SPATA1: variants seen among roughly 807,000 people sequenced by gnomAD.
SPATA1 encodes spermatogenesis-associated protein 1.
In SPATA1, 57 loss-of-function variants were observed where a neutral mutation model predicts 59.6. The ratio of observed to expected loss-of-function variants is 0.96; its 90% CI spans 0.77 to 1.19. The LOEUF (loss-of-function observed/expected upper bound fraction) is 1.19, where lower values mean the gene tolerates loss of function less well. Among genes scored for constraint, SPATA1 ranks in the 50% most tolerant of loss-of-function variants. The probability of loss-of-function intolerance (pLI) is 0.00; values close to 1 mark genes in which losing one functional copy is unlikely to be tolerated. For synonymous variants in SPATA1, 147 were observed against 163.9 expected (o/e 0.90, Z 0.79); for missense variants, 448 against 480.7 (o/e 0.93, Z 0.64).
At chr1:84,559,741 T>A (rs1222666544) in intron 4 of SPATA1, among the ~76,000 whole-genome samples, 4 of 152,084 alleles carry the variant, frequency 2.6e-5, no homozygotes, top group Non-Finnish European at 4.4e-5. Context: ...TGAAGTGACA[T>A]TAAATGGCCT....
intron 6 of SPATA1, among the ~76,000 whole-genome samples, chr1:84,526,777 A>AG (rs1223795137): frequency 6.7e-6 from 1 of 148,358 alleles, no homozygotes; most frequent in Admixed American, 6.8e-5. Context: ...CTGAAGCAGG[A>AG]GGATTGCTTG....
At chr1:84,529,653 C>G (rs1367086279) in intron 6 of SPATA1, among the ~76,000 whole-genome samples, 2 of 136,972 alleles carry the variant, frequency 1.5e-5, no homozygotes, top group Non-Finnish European at 3.0e-5. Flanking sequence ...GCGATCTCGG[C>G]TCACTGCAAC....
At chr1:84,544,520 A>G (rs1400026669) in intron 9 of SPATA1, among the ~76,000 whole-genome samples, 3 of 152,098 alleles carry the variant, frequency 2.0e-5, no homozygotes, top group African/African-American at 7.2e-5. Context: ...GTTATGTAAT[A>G]TGTTCTACAA....
At position 84,562,031 on chromosome 1, in the gene SPATA1, A is replaced by G. The variant is rs149249519; in HGVS notation, n.443-3830A>G. 4.8e-3 allele frequency among the ~76,000 whole-genome samples: 730 copies of G among 152,320 alleles called. 5 individuals carry two copies. Among genetic ancestry groups the G allele is most frequent in the Non-Finnish European group, 8.0e-3 (544 of 68,034 alleles). On this transcript the variant is annotated intron_variant and non_coding_transcript_variant, in intron 4 of 4. Coordinates refer to the SPATA1 transcript ENST00000460286. ...ATGTAATTGGTTACCATAACTTTTAACAAACCATATCCATGAAACAGTTTC... is the reference window on the plus strand; with the variant it reads ...ATGTAATTGGTTACCATAACTTTTAGCAAACCATATCCATGAAACAGTTTC...
Position 84,559,604 on chromosome 1 carries a change from G to A in SPATA1, n.442+3625G>A, listed in dbSNP as rs148685855. On this transcript the variant is annotated intron_variant and non_coding_transcript_variant, in intron 4 of 4. Coordinates refer to the SPATA1 transcript ENST00000460286. The stretch of plus-strand genomic sequence containing the variant: ...GCCACTGCACTCCAGCCTGGGTGAC[G>A]GAGCGATACTCCATCTCAGAAAAAA... Among the ~76,000 whole-genome samples the A allele has an allele frequency of 3.3e-3, 506 of 151,176 alleles. 2 individuals carry two copies. The highest frequency in any genetic ancestry group is 0.011 in the African/African-American group (469 of 41,142).
exon 8 of SPATA1, chr1:84,533,745 C>G: frequency 6.4e-7 from 1 of 1,564,512 alleles, no homozygotes; most frequent in African/African-American, 1.4e-5. Flanking sequence ...ATACAGCTAT[C>G]AGTAGAAGAC....
chr1:84,516,964 G>C (rs184124253), intron 2 of SPATA1, among the ~76,000 whole-genome samples: 21 of 152,114 alleles, frequency 1.4e-4, no homozygotes, highest in African/African-American at 4.6e-4. Context: ...TTCTAAACAA[G>C]TATGTCATAC....
Position 84,510,754 on chromosome 1 carries a change from A to G in SPATA1, c.-138+4336A>G, listed in dbSNP as rs576234989. ...TCACAATAGCCAAGATTTAAAAGCA[A>G]CCTAAGTGTCTATCAACAGATGAAT... On this transcript the variant is annotated intron_variant, in intron 1 of 12. Coordinates refer to ENST00000490879, the Ensembl canonical transcript of SPATA1. 2.0e-5 allele frequency among the ~76,000 whole-genome samples: 3 copies of G among 152,334 alleles called. No individual in the cohort carries two copies. In the South Asian group the frequency reaches 6.2e-4, roughly 32 times the overall value.
intron 6 of SPATA1, among the ~76,000 whole-genome samples, chr1:84,529,027 T>A (rs1683350069): frequency 6.6e-6 from 1 of 152,084 alleles, no homozygotes; most frequent in Non-Finnish European, 1.5e-5. Flanking sequence ...ATATATATAT[T>A]CTTATACATA....
In SPATA1 at chr1:84,526,147, C is replaced by G. The variant is rs747043301; in HGVS notation, c.544+74C>G. 1.2e-5 allele frequency: 15 copies of G among 1,270,504 alleles called. No individual in the cohort carries two copies. The African/African-American group carries it at 1.8e-4, about 15-fold the overall frequency. 78.7% of individuals were successfully genotyped at this position (1,270,504 alleles called of 1,614,324 possible). On this transcript the variant is annotated intron_variant, in intron 6 of 12. Coordinates refer to ENST00000490879, the Ensembl canonical transcript of SPATA1. Reference sequence around the variant, plus strand: ...TTTAGCAGTCAAGTCTGTAAGCAAACCCTGAGCAAACCTAGCCTTACAAAT... The same window carrying G: ...TTTAGCAGTCAAGTCTGTAAGCAAAGCCTGAGCAAACCTAGCCTTACAAAT...
intron 12 of SPATA1, chr1:84,551,507 T>A (rs1032879836): frequency 1.2e-5 from 2 of 161,522 alleles, no homozygotes; most frequent in African/African-American, 4.8e-5. Flanking sequence ...ACTTGAAATG[T>A]AGTTTGTGTG....
chr1:84,566,090 T>TA (rs1236082803), exon 5 of SPATA1: 3 of 840,380 alleles, frequency 3.6e-6, no homozygotes, highest in Non-Finnish European at 3.3e-6. Flanking sequence ...ATTATATATA[T>TA]TTTTTACCTT....
intron 12 of SPATA1, chr1:84,552,715 A>T (rs1684314214): frequency 5.3e-6 from 1 of 189,176 alleles, no homozygotes; most frequent in African/African-American, 2.3e-5. Flanking sequence ...TTACACATTG[A>T]GAACAACAGG....
At chr1:84,507,792 A>G (rs1331441481) in intron 1 of SPATA1, among the ~76,000 whole-genome samples, 2 of 152,146 alleles carry the variant, frequency 1.3e-5, no homozygotes, top group African/African-American at 2.4e-5. Context: ...ATATGGTCCA[A>G]TAATTACTTC....
In SPATA1 at chr1:84,545,680, G is replaced by GT; in HGVS notation, c.868dup (p.Tyr290LeufsTer6). ...TGAAACAAGTAAAGGAAGAAAGAAG[G>GT]TATCTGGAAAGAAATAGAGAAGAAC... On this transcript the variant is annotated frameshift_variant, in exon 10 of 13. Transcript: ENST00000490879. LOFTEE classifies it high-confidence loss of function. The GT allele has an allele frequency of 3.9e-6, 6 of 1,533,742 alleles. No homozygotes were observed. The highest frequency in any genetic ancestry group is 5.2e-6 in the Non-Finnish European group (6 of 1,147,670).
intron 2 of SPATA1, among the ~76,000 whole-genome samples, chr1:84,518,497 G>T (rs1354470397): frequency 6.6e-6 from 1 of 151,876 alleles, no homozygotes; most frequent in African/African-American, 2.4e-5. Flanking sequence ...TTATATGTAT[G>T]TTTAAAATTT....
chr1:84,509,261 A>G (rs1682427802), intron 1 of SPATA1, among the ~76,000 whole-genome samples: 1 of 152,060 alleles, frequency 6.6e-6, no homozygotes, highest in African/African-American at 2.4e-5. Context: ...CCAGAAACAA[A>G]TTCATTCACC....
intron 4 of SPATA1, among the ~76,000 whole-genome samples, chr1:84,562,921 A>C (rs1273202414): frequency 6.6e-6 from 1 of 152,148 alleles, no homozygotes; most frequent in Non-Finnish European, 1.5e-5. Flanking sequence ...ATAGTAACTT[A>C]TTTTGGCCCA....
chr1:84,528,511 TACTC>T (rs1161906903), intron 6 of SPATA1, among the ~76,000 whole-genome samples: 1 of 152,238 alleles, frequency 6.6e-6, no homozygotes, highest in Non-Finnish European at 1.5e-5. Flanking sequence ...TCACTTCTCT[TACTC>T]AACATTGTAA....
Sources: allele counts gnomAD v4.1 joint callset (sites outside exome capture counted in the v4.1 genomes callset), GRCh38; gene constraint gnomAD v4.1.1; transcripts MANE v1.5; gene names NCBI Gene and HGNC (gene_info 2026-07-23, HGNC 2026-07-21).